The following GMDS variants were observed in gnomAD, a reference collection of about 807,000 sequenced individuals.
The protein encoded by GMDS is GDP-mannose 4,6 dehydratase.
In GMDS, 20 loss-of-function variants were observed where a neutral mutation model predicts 49.9. The ratio of observed to expected loss-of-function variants is 0.40; its 90% CI spans 0.28 to 0.58. The LOEUF (loss-of-function observed/expected upper bound fraction) is 0.58. GMDS is among the 20% of genes least tolerant of loss of function. GMDS has a pLI of 0.42. For missense variants in GMDS, 362 were observed against 481.4 expected, an observed-to-expected ratio of 0.75 and a Z score of 2.32; for synonymous variants, 177 against 178.6, an observed-to-expected ratio of 0.99 and a Z score of 0.07.
intron 4 of GMDS, among the ~76,000 whole-genome samples, chr6:2,072,881 A>C (rs1157927185): frequency 6.6e-6 from 1 of 152,150 alleles, no homozygotes; most frequent in Non-Finnish European, 1.5e-5. Context: ...AAAATCACAA[A>C]CACATTTGTG....
At chr6:1,841,087 G>A (rs955700270) in intron 7 of GMDS, among the ~76,000 whole-genome samples, 5 of 152,024 alleles carry the variant, frequency 3.3e-5, no homozygotes, top group African/African-American at 1.2e-4. Flanking sequence ...TTTAATTCTC[G>A]GGATTTTTTT....
intron 7 of GMDS, among the ~76,000 whole-genome samples, chr6:1,756,326 C>T (rs1264053015): frequency 3.3e-5 from 5 of 150,622 alleles, no homozygotes; most frequent in African/African-American, 1.2e-4. Flanking sequence ...TACAATGGCG[C>T]AATCTCAGCT....
intron 4 of GMDS, among the ~76,000 whole-genome samples, chr6:1,999,970 T>TAATA (rs1554144011): frequency 8.9e-5 from 1 of 11,196 alleles, no homozygotes; most frequent in Admixed American, 2.4e-3. Context: ...TATATATATA[T>TAATA]TATATATATA....
intron 4 of GMDS, among the ~76,000 whole-genome samples, chr6:1,995,233 G>A (rs528820304): frequency 3.7e-4 from 56 of 152,300 alleles, no homozygotes; most frequent in Middle Eastern, 3.4e-3. Context: ...ATCGTTTACA[G>A]TGGGGTACAA....
intron 7 of GMDS, among the ~76,000 whole-genome samples, chr6:1,878,095 C>T (rs1312999823): frequency 3.3e-5 from 5 of 151,972 alleles, no homozygotes; most frequent in Non-Finnish European, 7.4e-5. Flanking sequence ...GGGCAGATCA[C>T]GAAGTCAGGA....
intron 4 of GMDS, among the ~76,000 whole-genome samples, chr6:2,069,933 A>G (rs1771879583): frequency 1.3e-5 from 2 of 152,118 alleles, no homozygotes; most frequent in Admixed American, 1.3e-4. Context: ...TACCCAAAGA[A>G]TTATAAATCA....
At chr6:2,075,051 A>C (rs1319413677) in intron 4 of GMDS, among the ~76,000 whole-genome samples, 1 of 152,096 alleles carries the variant, frequency 6.6e-6, no homozygotes, top group African/African-American at 2.4e-5. Flanking sequence ...ATAGTCTTGA[A>C]ATATATTTTG....
rs144944951 is a variant in GMDS at position 1,918,815 on chromosome 6, A to G, written c.771+11288T>C. Among the ~76,000 whole-genome samples, 11 of 152,338 alleles carry G rather than the reference A, an allele frequency of 7.2e-5. No homozygotes were observed. In the East Asian group the frequency reaches 1.9e-3, roughly 27 times the overall value. Reference sequence around the variant, plus strand: ...AAAGTCTAATAATAGTAGAATCTAGAGATAATCAGGAAACTGGCCACTGTG... The same window carrying G: ...AAAGTCTAATAATAGTAGAATCTAGGGATAATCAGGAAACTGGCCACTGTG... On this transcript the variant is annotated intron_variant, in intron 7 of 10. Transcript: ENST00000380815.
intron 1 of GMDS, among the ~76,000 whole-genome samples, chr6:2,169,325 A>G (rs1170428216): frequency 6.6e-6 from 1 of 152,190 alleles, no homozygotes; most frequent in Non-Finnish European, 1.5e-5. Flanking sequence ...AACACTACAT[A>G]TAACAGTATG....
chr6:2,198,805 T>C (rs770548244), intron 1 of GMDS, among the ~76,000 whole-genome samples: 1 of 152,210 alleles, frequency 6.6e-6, no homozygotes, highest in Non-Finnish European at 1.5e-5. Flanking sequence ...AGGGTAGCAA[T>C]TGTGGATCCT....
intron 1 of GMDS, among the ~76,000 whole-genome samples, chr6:2,154,863 C>CAAAAAAAAAAAAAA (rs70992124): frequency 3.0e-4 from 20 of 65,626 alleles, no homozygotes; most frequent in East Asian, 1.1e-3. Context: ...TGAAGAGATG[C>CAAAAAAAAAAAAAA]AAAAAAAAAA....
intron 4 of GMDS, among the ~76,000 whole-genome samples, chr6:1,973,609 T>C: frequency 6.6e-6 from 1 of 152,180 alleles, no homozygotes; most frequent in East Asian, 1.9e-4. Context: ...CAGCTGCATA[T>C]AAAGAGACTG....
At chr6:2,133,008 C>T (rs1775821798) in intron 1 of GMDS, among the ~76,000 whole-genome samples, 1 of 152,086 alleles carries the variant, frequency 6.6e-6, no homozygotes, top group Non-Finnish European at 1.5e-5. Context: ...AATTAGAGTT[C>T]CTCTCTCCTC....
chr6:1,766,981 TC>T lies in GMDS; in HGVS notation c.772-24396del, dbSNP rs1013927748. 1.3e-5 allele frequency among the ~76,000 whole-genome samples: 2 copies of T among 152,142 alleles called. No homozygotes were observed. Among genetic ancestry groups the T allele is most frequent in the African/African-American group, 4.8e-5 (2 of 41,438 alleles). On this transcript the variant is annotated intron_variant, in intron 7 of 10. Coordinates refer to ENST00000380815, the MANE Select transcript of GMDS (RefSeq NM_001500.4). The surrounding 1 kb of genome is among the most constrained non-coding windows in gnomAD (Gnocchi z 4.5). ...AAATCGAGCAGGGATCCCCAAACCTTCCTCTCACACCACAGCTGTAGGGCAC... is the reference window on the plus strand; with the variant it reads ...AAATCGAGCAGGGATCCCCAAACCTTCTCTCACACCACAGCTGTAGGGCAC...
At chr6:1,708,720 C>T (rs183076621) in intron 9 of GMDS, among the ~76,000 whole-genome samples, 65 of 152,342 alleles carry the variant, frequency 4.3e-4, no homozygotes, top group African/African-American at 1.5e-3. Context: ...CAGTGAGCGC[C>T]GGGGGCCTCT....
At chr6:2,094,935 A>G (rs528948993) in intron 4 of GMDS, among the ~76,000 whole-genome samples, 4 of 152,300 alleles carry the variant, frequency 2.6e-5, no homozygotes, top group Admixed American at 2.0e-4. Flanking sequence ...CAGTATGGGA[A>G]GCACAACTAT....
intron 7 of GMDS, among the ~76,000 whole-genome samples, chr6:1,876,027 AG>A (rs1309025334): frequency 1.7e-4 from 26 of 149,530 alleles, no homozygotes; most frequent in Middle Eastern, 6.8e-3. Context: ...AAAAAAAAAA[AG>A]AAAAGAAAAG....
Position 1,635,873 on chromosome 6 carries a change from C to T in GMDS, c.988-11333G>A, listed in dbSNP as rs1225296259. Reference sequence around the variant, plus strand: ...CCCAGCCTCGGCACCTCCAGCACTGCGTCTGGGAGCTGCTCTTCTCTGCTC... The same window carrying T: ...CCCAGCCTCGGCACCTCCAGCACTGTGTCTGGGAGCTGCTCTTCTCTGCTC... On this transcript the variant is annotated intron_variant, in intron 9 of 10. Transcript: ENST00000380815. This position sits in a 1 kb window ranked among gnomAD's most constrained non-coding sequence, Gnocchi z 4.7. 1.3e-5 allele frequency among the ~76,000 whole-genome samples: 2 copies of T among 152,230 alleles called. No homozygotes were observed. The highest frequency in any genetic ancestry group is 2.9e-5 in the Non-Finnish European group (2 of 68,036).
chr6:1,850,214 T>C (rs937823845), intron 7 of GMDS, among the ~76,000 whole-genome samples: 1 of 152,224 alleles, frequency 6.6e-6, no homozygotes, highest in Non-Finnish European at 1.5e-5. Context: ...TGCTATCGGA[T>C]GTAAATACAT....
Sources: gnomAD v4.1 joint callset for allele counts (sites outside exome capture counted in the v4.1 genomes callset) on GRCh38, gnomAD v4.1.1 for gene constraint, Gnocchi (gnomAD v3.1) non-coding constraint, MANE v1.5 for transcripts, NCBI Gene and HGNC (gene_info 2026-07-23, HGNC 2026-07-21) for gene names.